The following IL17RC variants were observed in gnomAD, a reference collection of about 807,000 sequenced individuals.
IL17RC encodes the protein interleukin 17 receptor C.
IL17RC carries 53 observed loss-of-function variants against 86.7 expected under a neutral mutation model. That is an observed-to-expected ratio of 0.61 (90% CI 0.49 to 0.77). IL17RC has a LOEUF of 0.77. Among genes scored for constraint, IL17RC ranks in the 30% least tolerant of loss-of-function variants. IL17RC has a pLI of 0.00. For synonymous variants in IL17RC, 439 were observed against 413.1 expected (o/e 1.06, Z -0.76); for missense variants, 957 against 940.0 (o/e 1.02, Z -0.24).
chr3:9,919,292 G>A (rs1322589036), intron 5 of IL17RC: 1 of 152,132 alleles, frequency 6.6e-6, no homozygotes, highest in Non-Finnish European at 1.5e-5. Context: ...ACTTCCTTGT[G>A]AAATATCTCT....
chr3:9,918,497 C>T lies in IL17RC; in HGVS notation c.356-3C>T, dbSNP rs2083291717. 4 of 1,613,480 alleles carry T rather than the reference C, an allele frequency of 2.5e-6. No homozygotes were observed. The highest frequency in any genetic ancestry group is 3.4e-6 in the Non-Finnish European group (4 of 1,179,504). The stretch of plus-strand genomic sequence containing the variant: ...TGACTGACCCCTGCCCTGTTGCCCA[C>T]AGCCTCTCTCCAGGCCCAAGTCGTG... On this transcript the variant is annotated splice_region_variant and splice_polypyrimidine_tract_variant and intron_variant, in intron 4 of 18. Coordinates refer to ENST00000403601, the MANE Select transcript of IL17RC (RefSeq NM_153460.4).
At position 9,933,373 on chromosome 3, in the gene IL17RC, G is replaced by A; in HGVS notation, c.1943G>A (p.Arg648His). ...LHPDAVPALF[R>H]TVPVFTLPSQ... ...CCGGACGCCGTACCCGCCCTTTTCCGCACCGTGCCCGTCTTCACACTGCCC... is the reference window on the plus strand; with the variant it reads ...CCGGACGCCGTACCCGCCCTTTTCCACACCGTGCCCGTCTTCACACTGCCC... Residue 648 changes from arginine to histidine, a missense_variant, in exon 19 of 19, where the codon CGC (arginine) becomes CAC (histidine). Coordinates refer to ENST00000403601, the MANE Select transcript of IL17RC (RefSeq NM_153460.4). 1.2e-6 allele frequency: 2 copies of A among 1,612,592 alleles called. No homozygotes were observed. The highest frequency in any genetic ancestry group is 1.7e-6 in the Non-Finnish European group (2 of 1,179,552).
intron 7 of IL17RC, among the ~76,000 whole-genome samples, chr3:9,922,520 A>G (rs1430581458): frequency 6.6e-6 from 1 of 152,242 alleles, no homozygotes; most frequent in Non-Finnish European, 1.5e-5. Context: ...TATTCAACAG[A>G]TATTTATTAA....
In IL17RC at chr3:9,931,453, T is replaced by TCACACACACACACACA. The variant is rs201407577; in HGVS notation, c.1387+513_1387+528dup. On this transcript the variant is annotated intron_variant, in intron 16 of 18. Transcript: ENST00000403601. ...AGCTACGATCAAATTTTTATATATTTCACACACACACACACACATATATAT... is the reference window on the plus strand; with the variant it reads ...AGCTACGATCAAATTTTTATATATTTCACACACACACACACACACACACACACACACACATATATAT... Among the ~76,000 whole-genome samples, 433 of 44,640 alleles carry TCACACACACACACACA rather than the reference T, an allele frequency of 9.7e-3. 4 individuals are homozygous for TCACACACACACACACA. The highest frequency in any genetic ancestry group is 0.02 in the African/African-American group (385 of 19,108). The allele number at this position is 44,640 out of a possible 152,430, so 29.3% of individuals were successfully genotyped here. A position where few individuals can be genotyped will look rare whatever the true frequency, so the allele number is the denominator to read the frequency against.
rs74597590 is a variant in IL17RC at position 9,918,111 on chromosome 3, C to A, written c.280+36C>A. On this transcript the variant is annotated intron_variant, in intron 3 of 18. Coordinates refer to ENST00000403601, the MANE Select transcript of IL17RC (RefSeq NM_153460.4). ...CATCCTGTGACAGTGCATGTGTACACGTGAGTGTGTCTGGGGTGGGCATGA... is the reference window on the plus strand; with the variant it reads ...CATCCTGTGACAGTGCATGTGTACAAGTGAGTGTGTCTGGGGTGGGCATGA... 2.6e-5 allele frequency: 41 copies of A among 1,547,918 alleles called. No individual in the cohort carries two copies. In the South Asian group the frequency reaches 4.6e-4, roughly 18 times the overall value.
rs1159954486 is a variant in IL17RC at position 9,932,946 on chromosome 3, C to G, written c.1523-7C>G. 1 of 1,608,978 alleles carries G rather than the reference C, an allele frequency of 6.2e-7. No individual in the cohort carries two copies. Among genetic ancestry groups the G allele is most frequent in the Non-Finnish European group, 8.5e-7 (1 of 1,178,726 alleles). On this transcript the variant is annotated splice_polypyrimidine_tract_variant and splice_region_variant and intron_variant, in intron 18 of 18. Coordinates refer to ENST00000403601, the MANE Select transcript of IL17RC (RefSeq NM_153460.4). The stretch of plus-strand genomic sequence containing the variant: ...CCTCTTCCCTCCCCATCTGTTTTCT[C>G]CGGCAGCGGCCGCCAGGGGCCGCGC...
Position 9,930,134 on chromosome 3 carries a change from C to T in IL17RC, c.1263C>T (p.Pro421=). 1 of 1,614,108 alleles carries T rather than the reference C, an allele frequency of 6.2e-7. No homozygotes were observed. Residue 421 remains proline, a synonymous_variant, in exon 14 of 19, where the codon CCC becomes CCT. Transcript: ENST00000403601. This position sits in a 1 kb window ranked among gnomAD's most constrained non-coding sequence, Gnocchi z 5.8. ...ALEPSGCTSL[P]SKASTRAARL... Reference sequence around the variant, plus strand: ...AACCCAGTGGCTGTACTTCACTACCCAGCAAAGCCTCCACGGTTAGGACTG... The same window carrying T: ...AACCCAGTGGCTGTACTTCACTACCTAGCAAAGCCTCCACGGTTAGGACTG...
chr3:9,920,501 T>C lies in IL17RC; in HGVS notation c.476T>C (p.Val159Ala). The change falls in exon 6 of 19, where the codon GTA becomes GCA. Residue 159 changes from valine to alanine, a missense_variant. Physicochemically the swap from Val to Ala is moderately conservative, Grantham distance 64. Coordinates refer to ENST00000403601, the MANE Select transcript of IL17RC (RefSeq NM_153460.4). ...CCCCTCTCCTCACAGGGCTCTGTGG[T>C]ATATGACTGCTTCGAGGCTGCCCTA... is the stretch of plus-strand genomic sequence containing the variant. ...VQFGQSVGSV[V>A]YDCFEAALGS... is the part of the protein sequence containing the mutation. The C allele has an allele frequency of 6.3e-7, 1 of 1,596,808 alleles. No individual in the cohort carries two copies. The highest frequency in any genetic ancestry group is 8.6e-7 in the Non-Finnish European group (1 of 1,169,404).
At chr3:9,929,802 T>G (rs1268986285) in intron 12 of IL17RC, 50 bp from the exon 13 acceptor site, 6 of 1,610,958 alleles carry the variant, frequency 3.7e-6, no homozygotes, top group Non-Finnish European at 5.1e-6. Context: ...TCTTTCTGCC[T>G]TTGGCTTTTG....
rs184675441 is a variant in IL17RC at position 9,931,729 on chromosome 3, A to G, written c.1387+786A>G. The stretch of plus-strand genomic sequence containing the variant: ...ACCATCTTGGCCAGGCTGGTCTTGA[A>G]CTCCTGACCTCGTGATCCGCCCGCG... On this transcript the variant is annotated intron_variant, in intron 16 of 18. Coordinates refer to ENST00000403601, the MANE Select transcript of IL17RC (RefSeq NM_153460.4). Among the ~76,000 whole-genome samples, 988 of 149,838 alleles carry G rather than the reference A, an allele frequency of 6.6e-3. 5 individuals carry two copies. The highest frequency in any genetic ancestry group is 0.011 in the Non-Finnish European group (726 of 67,394).
intron 16 of IL17RC, 84 bp from the exon 17 acceptor site, chr3:9,932,524 C>T: frequency 1.5e-6 from 2 of 1,300,290 alleles, no homozygotes; most frequent in Non-Finnish European, 2.2e-6. Context: ...GCCACCGCAC[C>T]CGGCCCAATT....
intron 8 of IL17RC, 28 bp from the exon 9 acceptor site, chr3:9,924,204 C>A (rs200581634): frequency 5.8e-5 from 93 of 1,613,764 alleles, no homozygotes; most frequent in Non-Finnish European, 7.5e-5. Flanking sequence ...TTATCTTCTC[C>A]AACCTCCTTC....
At chr3:9,932,473 G>T (rs1190011512) in intron 16 of IL17RC, 135 bp from the exon 17 acceptor site, 1 of 810,896 alleles carries the variant, frequency 1.2e-6, no homozygotes, top group Non-Finnish European at 2.2e-6. Context: ...TGATCTGCCC[G>T]CCTCGGCCTC....
rs766815099 is a variant in IL17RC at position 9,928,598 on chromosome 3, T to C, written c.1078T>C (p.Leu360=). The change falls in exon 12 of 19, where the codon TTG becomes CTG. Residue 360 remains leucine, a synonymous_variant. Transcript: ENST00000403601. ...VTVDKVLEFP[L]LKGHPNLCVQ... ...TCCACAGAAGGTTCTCGAGTTCCCA[T>C]TGCTGAAAGGCCACCCTAACCTCTG... is the stretch of plus-strand genomic sequence containing the variant. 2.2e-5 allele frequency: 35 copies of C among 1,613,652 alleles called. No homozygotes were observed. Among genetic ancestry groups the C allele is most frequent in the Non-Finnish European group, 2.8e-5 (33 of 1,180,022 alleles).
In IL17RC at chr3:9,930,699, C is replaced by T. The variant is rs967973352; in HGVS notation, c.1339-196C>T. ...GAGAGCTTCCGGGAAGAATTTCTTC[C>T]TATAAGCCAGATTTGGTATGGAAGA... On this transcript the variant is annotated intron_variant, in intron 15 of 18. Coordinates refer to ENST00000403601, the MANE Select transcript of IL17RC (RefSeq NM_153460.4). This position sits in a 1 kb window ranked among gnomAD's most constrained non-coding sequence, Gnocchi z 5.8. 5.9e-6 allele frequency: 4 copies of T among 681,306 alleles called. No homozygotes were observed. The highest frequency in any genetic ancestry group is 5.1e-5 in the Admixed American group (2 of 39,532). The allele number at this position is 681,306 out of a possible 1,614,324, so 42.2% of individuals were successfully genotyped here. A position where few individuals can be genotyped will look rare whatever the true frequency, so the allele number is the denominator to read the frequency against.
At chr3:9,926,614 G>GT (rs373869167) in intron 9 of IL17RC, among the ~76,000 whole-genome samples, 6,021 of 146,482 alleles carry the variant, frequency 0.041, 382 homozygotes, top group African/African-American at 0.14. Context: ...TTGTGTTTTT[G>GT]TTTTTTTTTT....
chr3:9,929,713 T>A lies in IL17RC; in HGVS notation c.1111-139T>A. The A allele has an allele frequency of 4.6e-6, 4 of 861,058 alleles. No individual in the cohort carries two copies. The South Asian group carries it at 5.6e-5, about 12-fold the overall frequency. 53.3% of individuals were successfully genotyped at this position (861,058 alleles called of 1,614,324 possible). ...TGTAGTGATTCCTAATCACCCAGCC[T>A]TGAATCCACATCTGCCTCAGGTCAG... On this transcript the variant is annotated intron_variant, in intron 12 of 18. Coordinates refer to ENST00000403601, the MANE Select transcript of IL17RC (RefSeq NM_153460.4).
chr3:9,925,415 C>T (rs964296635), intron 9 of IL17RC, among the ~76,000 whole-genome samples: 4 of 152,106 alleles, frequency 2.6e-5, no homozygotes, highest in South Asian at 4.1e-4. Context: ...TGTGCCCAGC[C>T]GCTGATTGCA....
rs758194347 is a variant in IL17RC at position 9,929,807 on chromosome 3, C to T, written c.1111-45C>T. 7 of 1,612,418 alleles carry T rather than the reference C, an allele frequency of 4.3e-6. No individual in the cohort carries two copies. The South Asian group carries it at 6.6e-5, about 15-fold the overall frequency. Reference sequence around the variant, plus strand: ...CCCATTCTGGTCTTTCTGCCTTTGGCTTTTGCTTTTCTTAGTGGCCCTAAC... The same window carrying T: ...CCCATTCTGGTCTTTCTGCCTTTGGTTTTTGCTTTTCTTAGTGGCCCTAAC... On this transcript the variant is annotated intron_variant, in intron 12 of 18. Transcript: ENST00000403601.
Sources: gnomAD v4.1 joint callset for allele counts (sites outside exome capture counted in the v4.1 genomes callset) on GRCh38, gnomAD v4.1.1 for gene constraint, Gnocchi (gnomAD v3.1) non-coding constraint, MANE v1.5 for transcripts, NCBI Gene and HGNC (gene_info 2026-07-23, HGNC 2026-07-21) for gene names.